NRIP1: variants seen among roughly 807,000 people sequenced by gnomAD.
NRIP1 encodes the protein nuclear receptor interacting protein 1.
In NRIP1, 28 loss-of-function variants were observed where a neutral mutation model predicts 75.0. The observed-to-expected ratio is 0.37, with a 90% CI of 0.28 to 0.51. NRIP1 has a LOEUF of 0.51. Ranked by LOEUF, NRIP1 falls within the 20% of genes least tolerant of loss-of-function variation. The probability of loss-of-function intolerance (pLI) is 0.92; values close to 1 mark genes in which losing one functional copy is unlikely to be tolerated. For synonymous variants in NRIP1, 526 were observed against 487.6 expected (o/e 1.08, Z -1.04); for missense variants, 1,435 against 1,343.7 (o/e 1.07, Z -1.06).
At chr21:14,976,731 C>T (rs1286878721) in intron 3 of NRIP1, among the ~76,000 whole-genome samples, 1 of 152,138 alleles carries the variant, frequency 6.6e-6, no homozygotes, top group African/African-American at 2.4e-5. Context: ...ATGCATCTGG[C>T]AGAATTCTTA....
At chr21:15,033,887 G>A (rs2147277470) in intron 2 of NRIP1, among the ~76,000 whole-genome samples, 1 of 152,208 alleles carries the variant, frequency 6.6e-6, no homozygotes, top group East Asian at 1.9e-4. Flanking sequence ...TGGTCACCTG[G>A]TCTCCTGATC....
At position 14,965,942 on chromosome 21, in the gene NRIP1, G is replaced by C. The variant is rs767093976; in HGVS notation, c.2251C>G (p.Leu751Val). The C allele has an allele frequency of 6.2e-7, 1 of 1,614,082 alleles. No individual in the cohort carries two copies. The highest frequency in any genetic ancestry group is 8.5e-7 in the Non-Finnish European group (1 of 1,179,966). ...HSERALSEQI[L>V]MVKIKSEPCD... ...GGCTCAGATTTTATTTTCACCATCA[G>C]TATTTGTTCACTTAAAGCTCTCTCT... The change falls in exon 4 of 4, where the codon CTG (leucine) becomes GTG (valine). Residue 751 changes from leucine (L) to valine (V), a missense_variant. Transcript: ENST00000318948.
At chr21:14,993,701 C>T (rs1259323236) in intron 3 of NRIP1, among the ~76,000 whole-genome samples, 1 of 151,898 alleles carries the variant, frequency 6.6e-6, no homozygotes, top group African/African-American at 2.4e-5. Flanking sequence ...GGAAGGATCG[C>T]TTGATCCCAG....
intron 2 of NRIP1, among the ~76,000 whole-genome samples, chr21:15,035,535 CT>C (rs2088812139): frequency 1.3e-5 from 2 of 149,810 alleles, no homozygotes; most frequent in Admixed American, 6.7e-5. Flanking sequence ...GGTCACCAGA[CT>C]AAGTTTAAAT....
intron 2 of NRIP1, among the ~76,000 whole-genome samples, chr21:15,022,422 T>C (rs2088400482): frequency 6.6e-6 from 1 of 152,144 alleles, no homozygotes; most frequent in Non-Finnish European, 1.5e-5. Flanking sequence ...TCAGGAAGAA[T>C]AGCTAATTGA....
At position 15,039,994 on chromosome 21, in the gene NRIP1, C is replaced by T. The variant is rs575251500; in HGVS notation, c.-458+3501G>A. Among the ~76,000 whole-genome samples the T allele has an allele frequency of 5.9e-5, 9 of 152,152 alleles. No individual in the cohort carries two copies. In the South Asian group the frequency reaches 1.9e-3, roughly 32 times the overall value. On this transcript the variant is annotated intron_variant, in intron 2 of 3. Coordinates refer to ENST00000318948, the MANE Select transcript of NRIP1 (RefSeq NM_003489.4). ...CAGCATTTGACATGGCACCTTTCTA[C>T]TGGATTTTTAAGGGTAATTTTAACT...
At chr21:14,983,709 C>T (rs1349647351) in intron 3 of NRIP1, among the ~76,000 whole-genome samples, 1 of 152,196 alleles carries the variant, frequency 6.6e-6, no homozygotes, top group African/African-American at 2.4e-5. Flanking sequence ...GCTGATGAAG[C>T]TGGAACTTGA....
At chr21:15,006,764 C>T (rs1323868983) in intron 3 of NRIP1, among the ~76,000 whole-genome samples, 1 of 152,174 alleles carries the variant, frequency 6.6e-6, no homozygotes, top group Non-Finnish European at 1.5e-5. Flanking sequence ...AGAGTAATAA[C>T]ACCTAGTGAG....
intron 2 of NRIP1, among the ~76,000 whole-genome samples, chr21:15,027,821 A>G (rs2147240574): frequency 6.6e-6 from 1 of 152,342 alleles, no homozygotes; most frequent in African/African-American, 2.4e-5. Context: ...CACACAGGCC[A>G]GCAATCATAT....
intron 2 of NRIP1, among the ~76,000 whole-genome samples, chr21:15,015,335 C>T (rs1231433186): frequency 1.3e-5 from 2 of 152,134 alleles, no homozygotes; most frequent in Non-Finnish European, 2.9e-5. Context: ...CACAGGTGTA[C>T]ACACATGTCA....
chr21:14,966,505 C>A lies in NRIP1; in HGVS notation c.1688G>T (p.Gly563Val). ...GTGTTGAGAGAGATTGATGGGAGACCCTGCTTTGCTTGATGTAAGTAAAGG... is the reference window on the plus strand; with the variant it reads ...GTGTTGAGAGAGATTGATGGGAGACACTGCTTTGCTTGATGTAAGTAAAGG... The part of the protein sequence containing the change: ...TPPLLTSSKA[G>V]SPINLSQHSL... Residue 563 changes from glycine to valine, a missense_variant, in exon 4 of 4, where the codon GGG becomes GTG. Transcript: ENST00000318948. 1 of 1,613,952 alleles carries A rather than the reference C, an allele frequency of 6.2e-7. No homozygotes were observed. Among genetic ancestry groups the A allele is most frequent in the Admixed American group, 1.7e-5 (1 of 60,008 alleles).
Position 15,029,893 on chromosome 21 carries a change from T to A in NRIP1, c.-458+13602A>T, listed in dbSNP as rs1156279971. 2.6e-5 allele frequency among the ~76,000 whole-genome samples: 4 copies of A among 152,206 alleles called. No homozygotes were observed. In the East Asian group the frequency reaches 7.7e-4, roughly 29 times the overall value. On this transcript the variant is annotated intron_variant, in intron 2 of 3. Coordinates refer to ENST00000318948, the MANE Select transcript of NRIP1 (RefSeq NM_003489.4). ...GATCTCACCAGAGAGTCTGCAGAGA[T>A]GAGCAAAACTCATATCCTCACCAGC... is the stretch of plus-strand genomic sequence containing the variant.
rs1426004445 is a variant in NRIP1, at chr21:14,961,287, A to G, written c.*3429T>C. 3 of 152,398 alleles carry G rather than the reference A, an allele frequency of 2.0e-5. No individual in the cohort carries two copies. Among genetic ancestry groups the G allele is most frequent in the African/African-American group, 7.3e-5 (3 of 41,378 alleles). The allele number at this position is 152,398 out of a possible 1,614,324, so 9.4% of individuals were successfully genotyped here. ...AATTCACTGCAGGAAGTAAACACTAAAAGATTAAAAAACAAAACAAAAAAA... is the reference window on the plus strand; with the variant it reads ...AATTCACTGCAGGAAGTAAACACTAGAAGATTAAAAAACAAAACAAAAAAA... On this transcript the variant is annotated 3_prime_UTR_variant, in exon 4 of 4. Coordinates refer to ENST00000318948, the MANE Select transcript of NRIP1 (RefSeq NM_003489.4).
At chr21:15,011,343 T>C (rs1375869522) in intron 3 of NRIP1, among the ~76,000 whole-genome samples, 1 of 152,050 alleles carries the variant, frequency 6.6e-6, no homozygotes, top group Non-Finnish European at 1.5e-5. Context: ...GCGCCCGCCA[T>C]GGCGCCCGGC....
At position 14,966,337 on chromosome 21, in the gene NRIP1, G is replaced by C. The variant is rs754055872; in HGVS notation, c.1856C>G (p.Ala619Gly). 3.7e-6 allele frequency: 6 copies of C among 1,613,920 alleles called. No individual in the cohort carries two copies. The highest frequency in any genetic ancestry group is 5.1e-6 in the Non-Finnish European group (6 of 1,179,974). ...GGCACTAAACGTTGCAGAGTTCTGT[G>C]CACCTTCATTTTGGGCTGGTTTCTC... Reference protein sequence around the residue: ...PGEKPAQNEGAQNSATFSASK... With the variant: ...PGEKPAQNEGGQNSATFSASK... Residue 619 changes from alanine to glycine, a missense_variant, in exon 4 of 4, where the codon GCA becomes GGA. By Grantham distance (60) the Ala-to-Gly change is moderately conservative. Coordinates refer to ENST00000318948, the MANE Select transcript of NRIP1 (RefSeq NM_003489.4).
In NRIP1 at chr21:15,052,947, G is replaced by A. The variant is rs529252620; in HGVS notation, c.-537-9373C>T. On this transcript the variant is annotated intron_variant, in intron 1 of 3. Coordinates refer to ENST00000318948, the MANE Select transcript of NRIP1 (RefSeq NM_003489.4). Reference sequence around the variant, plus strand: ...AAAACAAAATTTGAATTTCTGATTGGTATAAAGAAATCCATATTAATTTTA... The same window carrying A: ...AAAACAAAATTTGAATTTCTGATTGATATAAAGAAATCCATATTAATTTTA... 3.0e-4 allele frequency among the ~76,000 whole-genome samples: 45 copies of A among 152,164 alleles called. No individual in the cohort carries two copies. In the East Asian group the frequency reaches 4.8e-3, roughly 16 times the overall value.
At chr21:14,989,017 T>C in intron 3 of NRIP1, among the ~76,000 whole-genome samples, 1 of 152,124 alleles carries the variant, frequency 6.6e-6, no homozygotes, top group East Asian at 1.9e-4. Flanking sequence ...GGCAAAGTAC[T>C]CCGATCACCA....
chr21:15,042,754 A>C (rs1049589280), intron 2 of NRIP1, among the ~76,000 whole-genome samples: 21 of 152,212 alleles, frequency 1.4e-4, no homozygotes, highest in African/African-American at 5.1e-4. Context: ...AACTGTGAGA[A>C]ATAAACCTCT....
intron 3 of NRIP1, among the ~76,000 whole-genome samples, chr21:14,976,584 A>C (rs921832950): frequency 6.6e-6 from 1 of 152,198 alleles, no homozygotes; most frequent in Non-Finnish European, 1.5e-5. Context: ...TAAAATAGCT[A>C]AACTATTTTC....
Sources: allele counts gnomAD v4.1 joint callset (sites outside exome capture counted in the v4.1 genomes callset), GRCh38; gene constraint gnomAD v4.1.1; transcripts MANE v1.5; gene names NCBI Gene and HGNC (gene_info 2026-07-23, HGNC 2026-07-21).